HNRNPM: variants seen among roughly 807,000 people sequenced by gnomAD.
The protein encoded by HNRNPM is CEA receptor.
HNRNPM carries 11 observed loss-of-function variants against 73.1 expected under a neutral mutation model. The observed-to-expected ratio is 0.15, with a 90% CI of 0.09 to 0.25. HNRNPM has a LOEUF of 0.25. Among genes scored for constraint, HNRNPM ranks in the 10% least tolerant of loss-of-function variants. The pLI is 1.00. For synonymous variants in HNRNPM, 407 were observed against 355.2 expected, an observed-to-expected ratio of 1.15 and a Z score of -1.64; for missense variants, 789 against 1,067.9, an observed-to-expected ratio of 0.74 and a Z score of 3.64.
rs1555706226 is a variant in HNRNPM, at chr19:8,476,578, AAGAG to A, written c.1120+2338_1120+2341del. 8.1e-3 allele frequency among the ~76,000 whole-genome samples: 555 copies of A among 68,410 alleles called. 3 individuals carry two copies. The highest frequency in any genetic ancestry group is 0.033 in the African/African-American group (529 of 16,014). The allele number at this position is 68,410 out of a possible 152,430, so 44.9% of individuals were successfully genotyped here. A position where few individuals can be genotyped will look rare whatever the true frequency, so the allele number is the denominator to read the frequency against. ...TTGAGATTAATGTTAAAAAAAAAAAAAGAGAGATTGTTAAATGTCAAAAACTGAC... is the reference window on the plus strand; with the variant it reads ...TTGAGATTAATGTTAAAAAAAAAAAAAGATTGTTAAATGTCAAAAACTGAC... On this transcript the variant is annotated intron_variant, in intron 12 of 15. Transcript: ENST00000325495.
intron 13 of HNRNPM, 46 bp from the exon 14 acceptor site, chr19:8,485,557 C>T (rs1372041295): frequency 1.3e-6 from 2 of 1,558,134 alleles, no homozygotes; most frequent in African/African-American, 1.3e-5. Context: ...TGCACACGCA[C>T]ACTCAAGTTC....
intron 7 of HNRNPM, 61 bp downstream of exon 7, chr19:8,466,449 G>T: frequency 6.6e-7 from 1 of 1,508,554 alleles, no homozygotes; most frequent in Non-Finnish European, 9.2e-7. Context: ...TGTTAGTAAT[G>T]TAGGTTTGTG....
rs199749036 is a variant in HNRNPM at position 8,486,274 on chromosome 19, G to A, written c.1846G>A (p.Gly616Ser). Residue 616 changes from glycine to serine, a missense_variant, in exon 14 of 16, where the codon GGT becomes AGT. Transcript: ENST00000325495. ...GGGCCTGGCCATGGGTGGCGGTGGC[G>A]GTGCCAGCTTTGACCGTGCCATCGA... is the stretch of plus-strand genomic sequence containing the variant. ...RMGLAMGGGG[G>S]ASFDRAIEME... 35 of 1,601,848 alleles carry A rather than the reference G, an allele frequency of 2.2e-5. No homozygotes were observed. The highest frequency in any genetic ancestry group is 1.7e-4 in the Middle Eastern group (1 of 6,058).
chr19:8,480,652 GACT>G (rs1970849297), intron 12 of HNRNPM, among the ~76,000 whole-genome samples: 1 of 150,814 alleles, frequency 6.6e-6, no homozygotes, highest in African/African-American at 2.4e-5. Flanking sequence ...GACAGAGTGA[GACT>G]CTGTCTCAAA....
At chr19:8,458,515 C>G (rs571378862) in intron 2 of HNRNPM, among the ~76,000 whole-genome samples, 1 of 152,220 alleles carries the variant, frequency 6.6e-6, no homozygotes, top group Non-Finnish European at 1.5e-5. Flanking sequence ...CTTCTCTTGA[C>G]CTCACCAGGC....
chr19:8,485,823 G>T lies in HNRNPM; in HGVS notation c.1395G>T (p.Met465Ile). The T allele has an allele frequency of 6.2e-7, 1 of 1,603,282 alleles. No homozygotes were observed. ...TGGGCCCGCTGGGCCTCGACCACAT[G>T]GCCTCCAGCATTGAGCGCATGGGCC... ...ERMGPLGLDHMASSIERMGQT... is the reference protein window; with the variant it reads ...ERMGPLGLDHIASSIERMGQT... The change falls in exon 14 of 16, where the codon ATG becomes ATT. Residue 465 changes from methionine (M) to isoleucine (I), a missense_variant. Physicochemically the swap from Met to Ile is conservative, Grantham distance 10. Around this residue, in one of 4 missense-constraint regions of HNRNPM, gnomAD observed 604 missense variants for 744.0 expected, o/e 0.81. Coordinates refer to ENST00000325495, the MANE Select transcript of HNRNPM (RefSeq NM_005968.5).
At chr19:8,450,153 G>A (rs147651352) in intron 1 of HNRNPM, among the ~76,000 whole-genome samples, 10 of 152,300 alleles carry the variant, frequency 6.6e-5, no homozygotes, top group Non-Finnish European at 8.8e-5. Context: ...AGCAGCGCAG[G>A]ACTTGAGGGA....
Position 8,487,004 on chromosome 19 carries a change from C to T in HNRNPM, c.1978-20C>T. The T allele has an allele frequency of 6.2e-7, 1 of 1,607,862 alleles. No homozygotes were observed. Among genetic ancestry groups the T allele is most frequent in the South Asian group, 1.1e-5 (1 of 90,956 alleles). ...TTTGGTTTAATCACGCATCAGTCTC[C>T]CTTTTCTTCTCCCCTTCAGCTGCCA... On this transcript the variant is annotated intron_variant, in intron 14 of 15. Coordinates refer to ENST00000325495, the MANE Select transcript of HNRNPM (RefSeq NM_005968.5).
intron 12 of HNRNPM, among the ~76,000 whole-genome samples, chr19:8,477,796 G>A (rs368278319): frequency 7.9e-5 from 12 of 152,120 alleles, no homozygotes; most frequent in African/African-American, 2.9e-4. Context: ...CATACGTCTC[G>A]CCATGCACAC....
intron 1 of HNRNPM, 92 bp from the exon 2 acceptor site, chr19:8,455,313 T>C: frequency 9.0e-7 from 1 of 1,113,488 alleles, no homozygotes; most frequent in East Asian, 2.4e-5. Flanking sequence ...TAACTTTGTG[T>C]GGAATTGTAA....
chr19:8,483,189 G>A lies in HNRNPM; in HGVS notation c.1152G>A (p.Glu384=). ...TAAGTAATGCACTGAAGAGAGGAGA[G>A]ATCATTGCAAAGCAGGGAGGAGGTA... The part of the protein sequence containing the change: ...EILSNALKRG[E]IIAKQGGGGG... Residue 384 remains glutamate (E), a synonymous_variant, in exon 13 of 16, where the codon GAG becomes GAA. Transcript: ENST00000325495. The A allele has an allele frequency of 6.2e-7, 1 of 1,612,872 alleles. No individual in the cohort carries two copies. The highest frequency in any genetic ancestry group is 8.5e-7 in the Non-Finnish European group (1 of 1,179,310).
intron 9 of HNRNPM, among the ~76,000 whole-genome samples, chr19:8,469,578 G>A (rs753681436): frequency 1.8e-4 from 28 of 152,244 alleles, no homozygotes; most frequent in Admixed American, 4.6e-4. Context: ...TGACAGGGAA[G>A]GCTAGTTGAT....
chr19:8,463,444 T>C, intron 3 of HNRNPM, 53 bp from the exon 4 acceptor site: 3 of 1,593,878 alleles, frequency 1.9e-6, no homozygotes, highest in Non-Finnish European at 2.6e-6. Flanking sequence ...TATTTTTTTC[T>C]TTTCTTTTTC....
intron 12 of HNRNPM, among the ~76,000 whole-genome samples, chr19:8,477,472 A>G (rs1568291763): frequency 6.6e-6 from 1 of 152,042 alleles, no homozygotes; most frequent in Non-Finnish European, 1.5e-5. Context: ...AGCCAGGGCA[A>G]CATAGTGAGA....
rs1285707059 is a variant in HNRNPM at position 8,485,978 on chromosome 19, G to T, written c.1550G>T (p.Arg517Leu). ...TIERMGSGVE[R>L]MGPAIERMGL... ...GAGCGCATGGGCTCTGGCGTGGAGC[G>T]CATGGGCCCTGCCATCGAGCGCATG... Residue 517 changes from arginine (R) to leucine (L), a missense_variant, in exon 14 of 16, where the codon CGC (arginine) becomes CTC (leucine). Coordinates refer to ENST00000325495, the MANE Select transcript of HNRNPM (RefSeq NM_005968.5). 6.2e-7 allele frequency: 1 copy of T among 1,603,064 alleles called. No individual in the cohort carries two copies.
chr19:8,476,700 C>T (rs1277797308), intron 12 of HNRNPM, among the ~76,000 whole-genome samples: 1 of 152,196 alleles, frequency 6.6e-6, no homozygotes, highest in Non-Finnish European at 1.5e-5. Context: ...GCCCTGTTGA[C>T]AGCCAGTAAG....
intron 1 of HNRNPM, among the ~76,000 whole-genome samples, chr19:8,446,446 G>C (rs1968194783): frequency 6.6e-6 from 1 of 152,156 alleles, no homozygotes; most frequent in Non-Finnish European, 1.5e-5. Flanking sequence ...GTCTCCCTCT[G>C]TTACCCAAGC....
chr19:8,462,554 C>T lies in HNRNPM; in HGVS notation c.309C>T (p.Leu103=). The T allele has an allele frequency of 6.2e-7, 1 of 1,613,866 alleles. No homozygotes were observed. The highest frequency in any genetic ancestry group is 8.5e-7 in the Non-Finnish European group (1 of 1,179,802). The change falls in exon 3 of 16, where the codon CTC becomes CTT. Residue 103 remains leucine, a synonymous_variant. Coordinates refer to ENST00000325495, the MANE Select transcript of HNRNPM (RefSeq NM_005968.5). This position sits in a 1 kb window ranked among gnomAD's most constrained non-coding sequence, Gnocchi z 4.5. ...EKVGEVTYVE[L]LMDAEGKSRG... ...TTGGTGAGGTAACATACGTGGAGCT[C>T]TTAATGGACGCTGAAGGAAAGTCAA...
chr19:8,451,531 C>A (rs932510077), intron 1 of HNRNPM, among the ~76,000 whole-genome samples: 11 of 75,732 alleles, frequency 1.5e-4, no homozygotes, highest in Admixed American at 1.2e-3. Flanking sequence ...ATGTCCCTCC[C>A]CTTCCCCTTC....
Sources: gnomAD v4.1 joint callset for allele counts (sites outside exome capture counted in the v4.1 genomes callset) on GRCh38, gnomAD v4.1.1 for gene constraint, gnomAD v4.1.1 regional missense constraint, Gnocchi (gnomAD v3.1) non-coding constraint, MANE v1.5 for transcripts, NCBI Gene and HGNC (gene_info 2026-07-23, HGNC 2026-07-21) for gene names.